The following PELP1 variants were observed in gnomAD, a reference collection of about 807,000 sequenced individuals.
PELP1 encodes the protein proline, glutamate and leucine rich protein 1.
In PELP1, 32 loss-of-function variants were observed where a neutral mutation model predicts 95.5. The ratio of observed to expected loss-of-function variants is 0.34; its 90% CI spans 0.25 to 0.45. The LOEUF (loss-of-function observed/expected upper bound fraction) is 0.45. Among genes scored for constraint, PELP1 ranks in the 20% least tolerant of loss-of-function variants. PELP1 has a pLI of 1.00. For missense variants in PELP1, 1,358 were observed against 1,444.8 expected (o/e 0.94, Z 0.97); for synonymous variants, 668 against 600.1 (o/e 1.11, Z -1.65).
rs566688506 is a variant in PELP1 at position 4,672,297 on chromosome 17, T to G, written c.2694A>C (p.Glu898Asp). The G allele has an allele frequency of 2.0e-4, 312 of 1,550,978 alleles. 3 individuals are homozygous for G. The South Asian group carries it at 3.5e-3, about 17-fold the overall frequency. Residue 898 changes from glutamate (E) to aspartate (D), a missense_variant, in exon 16 of 17, where the codon GAA becomes GAC. Glu to Asp is a conservative substitution (Grantham distance 45, BLOSUM62 2). Coordinates refer to ENST00000572293, the MANE Select transcript of PELP1 (RefSeq NM_014389.3). ...CCTCTTCCTCTTCTTCCTCTTCTTC[T>G]TCTTCCTCTTCTTCCTCTTCCTCCT... ...EEEEEEEEEE[E>D]EEEEEEEEEE...
At chr17:4,682,999 T>C in intron 3 of PELP1, 47 bp from the exon 4 acceptor site, 1 of 1,420,968 alleles carries the variant, frequency 7.0e-7, no homozygotes, top group Non-Finnish European at 9.2e-7. Context: ...ACCTTGATTG[T>C]CACCAAAGAG....
intron 5 of PELP1, among the ~76,000 whole-genome samples, chr17:4,677,196 A>G (rs1164230397): frequency 6.6e-6 from 1 of 152,196 alleles, no homozygotes; most frequent in African/African-American, 2.4e-5. Flanking sequence ...GCTGGAAGTT[A>G]AGACACTAAC....
At chr17:4,690,361 A>G (rs1396167299) in intron 3 of PELP1, among the ~76,000 whole-genome samples, 1 of 152,118 alleles carries the variant, frequency 6.6e-6, no homozygotes, top group East Asian at 1.9e-4. Flanking sequence ...AACATCTCAG[A>G]AATTACCACT....
At chr17:4,692,317 A>C (rs1205650737) in intron 1 of PELP1, among the ~76,000 whole-genome samples, 1 of 151,588 alleles carries the variant, frequency 6.6e-6, no homozygotes, top group Non-Finnish European at 1.5e-5. Context: ...AATACAAAAA[A>C]TTAGCCGGGC....
At chr17:4,698,479 A>AG (rs1160272613) in intron 1 of PELP1, among the ~76,000 whole-genome samples, 1 of 151,158 alleles carries the variant, frequency 6.6e-6, no homozygotes, top group African/African-American at 2.4e-5. Context: ...CTAAAAAAAA[A>AG]AAAAGAAAAA....
chr17:4,700,925 T>A (rs1346350312), intron 1 of PELP1, among the ~76,000 whole-genome samples: 1 of 25,862 alleles, frequency 3.9e-5, no homozygotes, highest in African/African-American at 6.8e-5. Flanking sequence ...TAAGGCCCTA[T>A]CTCAAAAAAA....
In PELP1 at chr17:4,676,098, A is replaced by G. The variant is rs1912459857; in HGVS notation, c.918T>C (p.His306=). 1 of 1,614,016 alleles carries G rather than the reference A, an allele frequency of 6.2e-7. No individual in the cohort carries two copies. The highest frequency in any genetic ancestry group is 1.7e-5 in the Admixed American group (1 of 60,024). ...MLLSSEDGDA[H]VLLQLRQRFS... Reference sequence around the variant, plus strand: ...ACCTCTGCCGAAGCTGGAGAAGGACATGGGCATCACCATCTTCTGAGGACA... The same window carrying G: ...ACCTCTGCCGAAGCTGGAGAAGGACGTGGGCATCACCATCTTCTGAGGACA... The change falls in exon 8 of 17, where the codon CAT becomes CAC. Residue 306 remains histidine, a synonymous_variant. Transcript: ENST00000572293.
chr17:4,695,191 G>A (rs369639572), intron 1 of PELP1, among the ~76,000 whole-genome samples: 75 of 151,404 alleles, frequency 5.0e-4, no homozygotes, highest in African/African-American at 1.0e-3. Context: ...ACATGGTGGC[G>A]GGCGCCCGTA....
chr17:4,669,845 A>G lies in PELP1; in HGVS notation c.*1594T>C, dbSNP rs1912129260. Reference sequence around the variant, plus strand: ...TACTGTTATTTTTCTTAGGTTTGATAATGGTATCAGGATTGTGCAGAAAAA... The same window carrying G: ...TACTGTTATTTTTCTTAGGTTTGATGATGGTATCAGGATTGTGCAGAAAAA... On this transcript the variant is annotated 3_prime_UTR_variant, in exon 17 of 17. Coordinates refer to ENST00000572293, the MANE Select transcript of PELP1 (RefSeq NM_014389.3). 1 of 152,182 alleles carries G rather than the reference A, an allele frequency of 6.6e-6. No individual in the cohort carries two copies. The highest frequency in any genetic ancestry group is 2.1e-4 in the South Asian group (1 of 4,820). The allele number at this position is 152,182 out of a possible 1,614,324, so 9.4% of individuals were successfully genotyped here.
intron 5 of PELP1, among the ~76,000 whole-genome samples, chr17:4,677,117 A>G (rs1912512862): frequency 6.6e-6 from 1 of 151,356 alleles, no homozygotes; most frequent in African/African-American, 2.4e-5. Context: ...AGCCAAAAGG[A>G]CATAGTACTA....
chr17:4,676,136 C>A lies in PELP1; in HGVS notation c.880G>T (p.Val294Leu). 6.2e-7 allele frequency: 1 copy of A among 1,613,976 alleles called. No homozygotes were observed. The highest frequency in any genetic ancestry group is 8.5e-7 in the Non-Finnish European group (1 of 1,179,862). The change falls in exon 8 of 17, where the codon GTG becomes TTG. Residue 294 changes from valine to leucine, a missense_variant. Coordinates refer to ENST00000572293, the MANE Select transcript of PELP1 (RefSeq NM_014389.3). ...TAPVQNEGPGVEMLLSSEDGD... is the reference protein window; with the variant it reads ...TAPVQNEGPGLEMLLSSEDGD... ...TCTTCTGAGGACAGCAGCATCTCCA[C>A]CCCAGGGCCTTCATTCTGCACAGGA...
intron 6 of PELP1, 114 bp from the exon 7 acceptor site, chr17:4,676,621 C>A (rs1040525412): frequency 6.9e-7 from 1 of 1,442,726 alleles, no homozygotes; most frequent in Admixed American, 1.9e-5. Context: ...TGAGGGAAAC[C>A]TGAGATGGGA....
At chr17:4,688,816 C>T (rs1912996896) in intron 3 of PELP1, among the ~76,000 whole-genome samples, 1 of 152,130 alleles carries the variant, frequency 6.6e-6, no homozygotes, top group African/African-American at 2.4e-5. Flanking sequence ...CAAAATACCA[C>T]CATCATTCTT....
intron 1 of PELP1, among the ~76,000 whole-genome samples, chr17:4,698,742 T>C (rs771687414): frequency 1.2e-4 from 18 of 152,030 alleles, no homozygotes; most frequent in African/African-American, 2.2e-4. Flanking sequence ...GTTGTTGTTG[T>C]TGTTGTTATA....
At chr17:4,690,054 G>A (rs1485328434) in intron 3 of PELP1, among the ~76,000 whole-genome samples, 2 of 152,012 alleles carry the variant, frequency 1.3e-5, no homozygotes, top group Non-Finnish European at 2.9e-5. Context: ...GAGAGAGAGA[G>A]AAAATGTGGT....
At position 4,676,456 on chromosome 17, in the gene PELP1, G is replaced by T; in HGVS notation, c.754C>A (p.Gln252Lys). The change falls in exon 7 of 17, where the codon CAA becomes AAA. Residue 252 changes from glutamine (Q) to lysine (K), a missense_variant. Gln to Lys is a moderately conservative substitution (Grantham distance 53, BLOSUM62 1). This residue lies in a region of PELP1 where 538 missense variants were observed against 628.1 expected (regional missense o/e 0.86). Coordinates refer to ENST00000572293, the MANE Select transcript of PELP1 (RefSeq NM_014389.3). ...CAGCTCTCGGTGTGCTTCAGGCCTT[G>T]GGAAAAGCCAGCCCCTAAAGAGGGC... ...RLPSLGAGFSQGLKHTESWEQ... is the reference protein window; with the variant it reads ...RLPSLGAGFSKGLKHTESWEQ... 6.2e-7 allele frequency: 1 copy of T among 1,613,754 alleles called. No individual in the cohort carries two copies.
rs1912422459 is a variant in PELP1 at position 4,675,435 on chromosome 17, T to G, written c.1069-73A>C. On this transcript the variant is annotated intron_variant, in intron 9 of 16. Transcript: ENST00000572293. This position sits in a 1 kb window ranked among gnomAD's most constrained non-coding sequence, Gnocchi z 4.3. ...GCCAGAGAGAGACAGAAACAGGGAA[T>G]GACCATTTACATATGTACACATAGG... 3 of 984,948 alleles carry G rather than the reference T, an allele frequency of 3.0e-6. No individual in the cohort carries two copies. Among genetic ancestry groups the G allele is most frequent in the South Asian group, 1.4e-5 (1 of 72,422 alleles). The allele number at this position is 984,948 out of a possible 1,614,324, so 61.0% of individuals were successfully genotyped here.
Position 4,671,277 on chromosome 17 carries a change from G to A in PELP1, c.*162C>T. On this transcript the variant is annotated 3_prime_UTR_variant, in exon 17 of 17. Coordinates refer to ENST00000572293, the MANE Select transcript of PELP1 (RefSeq NM_014389.3). ...TTCCTCTCTGGATCGTCAAAAAGAG[G>A]ACAGCTATGGAGACATCTGGGGAAT... The A allele has an allele frequency of 1.6e-6, 1 of 611,430 alleles. No homozygotes were observed. The highest frequency in any genetic ancestry group is 2.0e-5 in the South Asian group (1 of 50,662). The allele number at this position is 611,430 out of a possible 1,614,324, so 37.9% of individuals were successfully genotyped here.
At position 4,687,190 on chromosome 17, in the gene PELP1, C is replaced by G. The variant is rs138694663; in HGVS notation, c.420+3698G>C. Among the ~76,000 whole-genome samples, 590 of 152,324 alleles carry G rather than the reference C, an allele frequency of 3.9e-3. 1 individual carries two copies. The highest frequency in any genetic ancestry group is 0.014 in the African/African-American group (566 of 41,574). On this transcript the variant is annotated intron_variant, in intron 3 of 16. Transcript: ENST00000572293. ...TTACATGTTTTCCAAGAACTATAGT[C>G]TTTACCTCCACAGCACCTACCTCAG...
Sources: allele counts gnomAD v4.1 joint callset (sites outside exome capture counted in the v4.1 genomes callset), GRCh38; gene constraint gnomAD v4.1.1; regional missense constraint gnomAD v4.1.1; non-coding constraint Gnocchi (gnomAD v3.1); transcripts MANE v1.5; gene names NCBI Gene and HGNC (gene_info 2026-07-23, HGNC 2026-07-21).